Variants in PMFBP1 observed in about 807,000 individuals in gnomAD.
PMFBP1 encodes the protein polyamine modulated factor 1 binding protein 1.
Under a neutral mutation model 137.8 loss-of-function variants are expected in PMFBP1, and 131 were observed. That is an observed-to-expected ratio of 0.95 (90% CI 0.82 to 1.10). The LOEUF is 1.10. PMFBP1 is among the 50% of genes least tolerant of loss of function. PMFBP1 has a pLI of 0.00. For missense variants in PMFBP1, 1,199 were observed against 1,175.4 expected, an observed-to-expected ratio of 1.02 and a Z score of -0.29; for synonymous variants, 490 against 450.4, an observed-to-expected ratio of 1.09 and a Z score of -1.11.
chr16:72,217,233 C>T, the PMFBP1 span, among the ~76,000 whole-genome samples: 86,318 of 151,990 alleles, frequency 0.57, 25,615 homozygotes, highest in African/African-American at 0.72. Flanking sequence ...TGCATATGTA[C>T]TTGAATTTAT....
the PMFBP1 span, among the ~76,000 whole-genome samples, chr16:72,229,616 G>A: frequency 6.6e-6 from 1 of 152,004 alleles, no homozygotes; most frequent in Non-Finnish European, 1.5e-5. Flanking sequence ...GTGACATTGA[G>A]TATTTTTTCA....
the PMFBP1 span, among the ~76,000 whole-genome samples, chr16:72,239,989 T>C: frequency 1.8e-4 from 28 of 151,390 alleles, no homozygotes; most frequent in Admixed American, 1.8e-3. Context: ...GGAGATATAC[T>C]CGAGGGTTTA....
At chr16:72,143,337 A>G (rs181480548) in intron 5 of PMFBP1, among the ~76,000 whole-genome samples, 2 of 152,366 alleles carry the variant, frequency 1.3e-5, no homozygotes, top group African/African-American at 4.8e-5. Flanking sequence ...TAAGTTGTGT[A>G]AATTTTGAAA....
chr16:72,239,774 C>T, the PMFBP1 span, among the ~76,000 whole-genome samples: 11 of 151,688 alleles, frequency 7.3e-5, no homozygotes, highest in African/African-American at 2.7e-4. Flanking sequence ...TGCCTGTAAT[C>T]CCAGCTACTC....
intron 19 of PMFBP1, among the ~76,000 whole-genome samples, 191 bp downstream of exon 19, chr16:72,122,723 C>T (rs2042393574): frequency 6.6e-6 from 1 of 152,184 alleles, no homozygotes; most frequent in Non-Finnish European, 1.5e-5. Flanking sequence ...GGTGAGAGAA[C>T]TAAGGCCCTG....
At chr16:72,116,676 G>A (rs2042312044), downstream of PMFBP1, among the ~76,000 whole-genome samples, 1 of 137,998 alleles carries the variant, frequency 7.2e-6, no homozygotes, top group Non-Finnish European at 1.5e-5. Context: ...AAGGTATTAG[G>A]TAAGGGCACA....
intron 17 of PMFBP1, 132 bp downstream of exon 17, chr16:72,124,635 A>T: frequency 9.0e-7 from 1 of 1,111,320 alleles, no homozygotes. Context: ...GCTTTGTGCT[A>T]AATGGAGGGG....
At chr16:72,140,312 G>A (rs2042697297) in intron 6 of PMFBP1, 100 bp downstream of exon 6, 3 of 1,244,890 alleles carry the variant, frequency 2.4e-6, no homozygotes, top group South Asian at 1.4e-5. Flanking sequence ...GAGGATTCTC[G>A]GCGAAAAAGA....
chr16:72,185,570 CA>C, the PMFBP1 span, among the ~76,000 whole-genome samples: 1 of 152,150 alleles, frequency 6.6e-6, no homozygotes, highest in African/African-American at 2.4e-5. Flanking sequence ...CCTCCAAGCA[CA>C]TGCTCCCTTC....
In PMFBP1 at chr16:72,136,541, C is replaced by T. The variant is rs2042634246; in HGVS notation, c.1110G>A (p.Arg370=). The T allele has an allele frequency of 1.2e-6, 2 of 1,614,076 alleles. No homozygotes were observed. Among genetic ancestry groups the T allele is most frequent in the Non-Finnish European group, 1.7e-6 (2 of 1,180,002 alleles). The change falls in exon 9 of 21, where the codon AGG becomes AGA. Residue 370 remains arginine, a synonymous_variant. Transcript: ENST00000237353. ...LREETSAHIE[R]KDKDITILQC... ...GCAGGATGGTGATGTCCTTATCCTTCCTCTCAATGTGGGCAGATGTCTCCT... is the reference window on the plus strand; with the variant it reads ...GCAGGATGGTGATGTCCTTATCCTTTCTCTCAATGTGGGCAGATGTCTCCT...
chr16:72,163,930 G>A (rs2043101716), intron 3 of PMFBP1, among the ~76,000 whole-genome samples: 2 of 151,718 alleles, frequency 1.3e-5, no homozygotes, highest in Admixed American at 1.3e-4. Context: ...GGAAAGGGTG[G>A]GGGGGGTGAG....
In PMFBP1 at chr16:72,150,620, C is replaced by T. The variant is rs146909225; in HGVS notation, c.624G>A (p.Gly208=). 1.6e-3 allele frequency: 2,501 copies of T among 1,612,920 alleles called. 5 individuals are homozygous for T. The highest frequency in any genetic ancestry group is 3.0e-3 in the Middle Eastern group (15 of 5,070). Residue 208 remains glycine, a synonymous_variant, in exon 5 of 21, where the codon GGG becomes GGA. Coordinates refer to ENST00000237353, the MANE Select transcript of PMFBP1 (RefSeq NM_031293.3). ...ACTTAAGTCCTACCTGACCCATGAT[C>T]CCGCCGAGTTCCCCCTGCAACATCT... ...QVKMLQGELG[G]IMGQEPENKG... is the part of the protein sequence containing the mutation.
At position 72,122,954 on chromosome 16, in the gene PMFBP1, C is replaced by T. The variant is rs1343356335; in HGVS notation, c.2728G>A (p.Glu910Lys). Residue 910 changes from glutamate to lysine, a missense_variant, in exon 19 of 21, where the codon GAG becomes AAG. Physicochemically the swap from Glu to Lys is moderately conservative, Grantham distance 56 (BLOSUM62 1). Transcript: ENST00000237353. ...ANEKLGNQLR[E>K]QVKYIAKLSG... ...AGCTTGGCAATGTATTTCACCTGCT[C>T]TCGGAGCTGGTTTCCTAGTTTCTCA... 4 of 1,613,458 alleles carry T rather than the reference C, an allele frequency of 2.5e-6. No homozygotes were observed. The highest frequency in any genetic ancestry group is 3.4e-6 in the Non-Finnish European group (4 of 1,179,994).
chr16:72,125,938 A>G (rs1354764097), intron 15 of PMFBP1, 30 bp downstream of exon 15: 6 of 1,603,082 alleles, frequency 3.7e-6, no homozygotes. Context: ...GCCTGAAAAC[A>G]GCCCTGGAGA....
At chr16:72,118,904 GA>G (rs146013352), downstream of PMFBP1, among the ~76,000 whole-genome samples, 6 of 150,638 alleles carry the variant, frequency 4.0e-5, no homozygotes, top group South Asian at 2.1e-4. Flanking sequence ...GTAATGGAAA[GA>G]AAAAAAAAGG....
intron 1 of PMFBP1, chr16:72,171,694 G>C (rs2043222617): frequency 6.5e-6 from 1 of 153,346 alleles, no homozygotes; most frequent in Admixed American, 6.5e-5. Flanking sequence ...CTCATTTAAA[G>C]ATAAGGAAAC....
intron 3 of PMFBP1, chr16:72,164,397 T>G: frequency 7.7e-7 from 1 of 1,302,664 alleles, no homozygotes; most frequent in Non-Finnish European, 1.0e-6. Flanking sequence ...TGGTTTTTAT[T>G]TTCATGGTTG....
the PMFBP1 span, among the ~76,000 whole-genome samples, chr16:72,227,359 A>G: frequency 6.6e-6 from 1 of 152,166 alleles, no homozygotes; most frequent in Non-Finnish European, 1.5e-5. Flanking sequence ...AATCCTTTTT[A>G]TAACTTTTTG....
intron 5 of PMFBP1, among the ~76,000 whole-genome samples, 180 bp from the exon 6 acceptor site, chr16:72,140,762 A>G (rs1324350443): frequency 6.6e-6 from 1 of 152,130 alleles, no homozygotes; most frequent in East Asian, 1.9e-4. Flanking sequence ...TAAAAAGTCC[A>G]AATGGTTCAC....
Sources: gnomAD v4.1 joint callset for allele counts (sites outside exome capture counted in the v4.1 genomes callset) on GRCh38, gnomAD v4.1.1 for gene constraint, MANE v1.5 for transcripts, NCBI Gene and HGNC (gene_info 2026-07-23, HGNC 2026-07-21) for gene names.